The following DLG2 variants were observed in gnomAD, a reference collection of about 807,000 sequenced individuals.
The protein encoded by DLG2 is discs large MAGUK scaffold protein 2.
DLG2 carries 45 observed loss-of-function variants against 132.5 expected under a neutral mutation model. That is an observed-to-expected ratio of 0.34 (90% CI 0.27 to 0.44). The LOEUF (loss-of-function observed/expected upper bound fraction) is 0.44, where lower values mean the gene tolerates loss of function less well. Ranked by LOEUF, DLG2 falls within the 20% of genes least tolerant of loss-of-function variation. The pLI is 1.00. For synonymous variants in DLG2, 424 were observed against 419.6 expected, an observed-to-expected ratio of 1.01 and a Z score of -0.13; for missense variants, 1,045 against 1,196.9, an observed-to-expected ratio of 0.87 and a Z score of 1.87.
intron 11 of DLG2, among the ~76,000 whole-genome samples, chr11:84,053,166 A>T (rs2096432009): frequency 6.6e-6 from 1 of 152,102 alleles, no homozygotes; most frequent in Non-Finnish European, 1.5e-5. Flanking sequence ...ATGCAGGAAC[A>T]GAAAGCCAGA....
chr11:83,554,000 A>T (rs1337997165), intron 19 of DLG2, among the ~76,000 whole-genome samples: 1 of 148,888 alleles, frequency 6.7e-6, no homozygotes, highest in Non-Finnish European at 1.5e-5. Context: ...GGCTCAAGGG[A>T]TCTTTGCCTT....
intron 8 of DLG2, among the ~76,000 whole-genome samples, chr11:84,176,097 A>G (rs1300004695): frequency 6.6e-6 from 1 of 151,802 alleles, no homozygotes; most frequent in Non-Finnish European, 1.5e-5. Flanking sequence ...GTTTTAAAAA[A>G]TTTCCTGCAA....
chr11:84,458,043 T>C (rs1351461492), intron 7 of DLG2, among the ~76,000 whole-genome samples: 2 of 150,980 alleles, frequency 1.3e-5, no homozygotes, highest in Admixed American at 6.6e-5. Flanking sequence ...GCTTTCTGTA[T>C]ACAGGTACAG....
intron 6 of DLG2, among the ~76,000 whole-genome samples, chr11:84,571,096 A>G (rs55650891): frequency 1.8e-3 from 272 of 152,292 alleles, no homozygotes; most frequent in Non-Finnish European, 3.1e-3. Context: ...TACCTATACT[A>G]TAAAAGGGAG....
At chr11:85,356,103 A>G (rs1565371167) in intron 3 of DLG2, among the ~76,000 whole-genome samples, 1 of 152,164 alleles carries the variant, frequency 6.6e-6, no homozygotes, top group Non-Finnish European at 1.5e-5. Flanking sequence ...CCAATTTCAT[A>G]TTGCACATAA....
intron 6 of DLG2, among the ~76,000 whole-genome samples, chr11:84,828,280 G>A (rs2153990261): frequency 6.6e-6 from 1 of 151,902 alleles, no homozygotes; most frequent in Non-Finnish European, 1.5e-5. Flanking sequence ...GAGGAATTTT[G>A]TAACTTTGGT....
intron 5 of DLG2, among the ~76,000 whole-genome samples, chr11:85,146,997 G>A (rs2076907119): frequency 6.6e-6 from 1 of 152,202 alleles, no homozygotes; most frequent in South Asian, 2.1e-4. Context: ...TCTGCTGTGA[G>A]AGGGCAGAAT....
intron 18 of DLG2, among the ~76,000 whole-genome samples, chr11:83,721,749 A>G (rs2153685546): frequency 6.6e-6 from 1 of 152,376 alleles, no homozygotes; most frequent in East Asian, 1.9e-4. Context: ...GTCGACCTCA[A>G]CGCTCATTGA....
At chr11:85,230,364 A>G (rs1190523466) in intron 4 of DLG2, among the ~76,000 whole-genome samples, 1 of 151,314 alleles carries the variant, frequency 6.6e-6, no homozygotes, top group African/African-American at 2.4e-5. Flanking sequence ...TTTTATTCTG[A>G]AAAACTTCCT....
chr11:83,786,309 G>A (rs1202372410), intron 18 of DLG2: 1 of 175,448 alleles, frequency 5.7e-6, no homozygotes, highest in African/African-American at 2.4e-5. Flanking sequence ...GCCATGAGGA[G>A]AGAATATGGT....
chr11:85,317,314 C>A (rs2152817618), intron 3 of DLG2, among the ~76,000 whole-genome samples: 1 of 151,912 alleles, frequency 6.6e-6, no homozygotes, highest in Non-Finnish European at 1.5e-5. Flanking sequence ...TTTATTCTAA[C>A]TAAAGCTACC....
chr11:85,287,640 A>C (rs972773577), intron 3 of DLG2, among the ~76,000 whole-genome samples: 1 of 152,148 alleles, frequency 6.6e-6, no homozygotes, highest in Admixed American at 6.6e-5. Context: ...TCTACTACCC[A>C]GTACATATCC....
At chr11:85,299,761 G>A (rs954089935) in intron 3 of DLG2, among the ~76,000 whole-genome samples, 2 of 152,120 alleles carry the variant, frequency 1.3e-5, no homozygotes, top group Admixed American at 6.6e-5. Flanking sequence ...CTAGGGTAGG[G>A]CCTAGAATTT....
chr11:85,568,979 C>CTT (rs1189953424), intron 3 of DLG2, among the ~76,000 whole-genome samples: 2 of 151,930 alleles, frequency 1.3e-5, no homozygotes, highest in African/African-American at 4.8e-5. Context: ...TTTTCTAGTT[C>CTT]TTAAGGTGGA....
At chr11:84,794,308 G>A (rs1039203463) in intron 6 of DLG2, among the ~76,000 whole-genome samples, 1 of 152,208 alleles carries the variant, frequency 6.6e-6, no homozygotes, top group Non-Finnish European at 1.5e-5. Context: ...ATGTTTGAGA[G>A]AATCTGATGG....
At position 85,154,135 on chromosome 11, in the gene DLG2, GAAAAAAAAAAAA is replaced by G. The variant is rs34094958; in HGVS notation, c.282+409_282+420del. On this transcript the variant is annotated intron_variant, in intron 5 of 27. Transcript: ENST00000376104. ...CCCACCCTCCCTCTCTTCTTTTGGA[GAAAAAAAAAAAA>G]AAAAAAAAAAAAAACAGTCTCATTG... Among the ~76,000 whole-genome samples the G allele has an allele frequency of 2.9e-4, 17 of 57,662 alleles. No individual in the cohort carries two copies. The South Asian group carries it at 5.4e-3, about 18-fold the overall frequency. 37.8% of individuals were successfully genotyped at this position (57,662 alleles called of 152,430 possible).
In DLG2 at chr11:84,586,863, C is replaced by T. The variant is rs537314209; in HGVS notation, c.358-52132G>A. ...ATCTTAACCAATGCTTTGCCATCCC[C>T]ATCCTCCAAAAAAGTACAAAGACTT... On this transcript the variant is annotated intron_variant, in intron 6 of 27. Transcript: ENST00000376104. Among the ~76,000 whole-genome samples the T allele has an allele frequency of 2.4e-4, 37 of 152,264 alleles. 1 individual carries two copies. Among genetic ancestry groups the T allele is most frequent in the African/African-American group, 7.0e-4 (29 of 41,572 alleles).
intron 3 of DLG2, among the ~76,000 whole-genome samples, chr11:85,541,129 A>G (rs1264512711): frequency 1.3e-5 from 2 of 152,226 alleles, no homozygotes; most frequent in East Asian, 1.9e-4. Flanking sequence ...TACAAAAAGC[A>G]TAATTGCTCT....
chr11:85,289,237 C>A (rs2078743110), intron 3 of DLG2, among the ~76,000 whole-genome samples: 1 of 151,924 alleles, frequency 6.6e-6, no homozygotes, highest in Non-Finnish European at 1.5e-5. Flanking sequence ...TGACATATAT[C>A]CCCTTGTCAC....
Sources: gnomAD v4.1 joint callset for allele counts (sites outside exome capture counted in the v4.1 genomes callset) on GRCh38, gnomAD v4.1.1 for gene constraint, MANE v1.5 for transcripts, NCBI Gene and HGNC (gene_info 2026-07-23, HGNC 2026-07-21) for gene names.